The following PACRG variants were observed in gnomAD, a reference collection of about 807,000 sequenced individuals.
The protein encoded by PACRG is parkin coregulated.
A neutral mutation model predicts 29.7 loss-of-function variants in PACRG; 29 were observed. The ratio of observed to expected loss-of-function variants is 0.98; its 90% CI spans 0.73 to 1.33. The LOEUF (loss-of-function observed/expected upper bound fraction) is 1.33, where lower values mean the gene tolerates loss of function less well. Among genes scored for constraint, PACRG ranks in the 40% most tolerant of loss-of-function variants. The pLI, the probability that PACRG is intolerant of heterozygous loss-of-function variation, is 0.00. For missense variants in PACRG, 279 were observed against 316.2 expected (o/e 0.88, Z 0.89); for synonymous variants, 116 against 118.7 (o/e 0.98, Z 0.15).
intron 2 of PACRG, among the ~76,000 whole-genome samples, chr6:162,957,710 T>G (rs1800167499): frequency 6.6e-6 from 1 of 152,164 alleles, no homozygotes; most frequent in African/African-American, 2.4e-5. Flanking sequence ...AAAAGGATCA[T>G]TTGGAATGGT....
chr6:163,222,107 A>C (rs377569932), intron 4 of PACRG, among the ~76,000 whole-genome samples: 1 of 103,324 alleles, frequency 9.7e-6, no homozygotes, highest in Non-Finnish European at 1.9e-5. Flanking sequence ...AAAACTGTAA[A>C]GTATTTTGTA....
chr6:162,762,199 T>C (rs564538448), intron 1 of PACRG, among the ~76,000 whole-genome samples: 2 of 152,222 alleles, frequency 1.3e-5, no homozygotes, highest in African/African-American at 4.8e-5. Flanking sequence ...AAGGAGAACT[T>C]AATCCTGATG....
chr6:163,243,379 C>A (rs1162170378), intron 4 of PACRG, among the ~76,000 whole-genome samples: 1 of 152,232 alleles, frequency 6.6e-6, no homozygotes, highest in Non-Finnish European at 1.5e-5. Flanking sequence ...TGTTCACGTA[C>A]ACTCTGTGTT....
At chr6:163,270,943 G>T (rs1000932123) in intron 4 of PACRG, among the ~76,000 whole-genome samples, 5 of 152,036 alleles carry the variant, frequency 3.3e-5, no homozygotes, top group Non-Finnish European at 7.4e-5. Flanking sequence ...ATGAAGGGGA[G>T]TTTATTAAGG....
intron 2 of PACRG, among the ~76,000 whole-genome samples, chr6:163,047,506 A>G (rs1809517423): frequency 6.6e-6 from 1 of 152,214 alleles, no homozygotes. Context: ...TGAAAGTATC[A>G]TTCTTTGACT....
intron 1 of PACRG, among the ~76,000 whole-genome samples, chr6:162,792,273 A>G (rs943919527): frequency 6.6e-6 from 1 of 152,124 alleles, no homozygotes; most frequent in Non-Finnish European, 1.5e-5. Context: ...CCGACTGACC[A>G]TGACTTTAAA....
chr6:162,875,426 C>T (rs534149534), intron 2 of PACRG, among the ~76,000 whole-genome samples: 1 of 152,182 alleles, frequency 6.6e-6, no homozygotes, highest in Admixed American at 6.5e-5. Flanking sequence ...CACAGTCATG[C>T]ACACACATTC....
intron 3 of PACRG, among the ~76,000 whole-genome samples, chr6:163,070,639 G>C (rs1811953459): frequency 6.6e-6 from 1 of 151,660 alleles, no homozygotes; most frequent in South Asian, 2.1e-4. Context: ...AAGGAAAGAA[G>C]GAATAGAAGA....
chr6:163,095,497 A>G, intron 4 of PACRG: 1 of 894,668 alleles, frequency 1.1e-6, no homozygotes, highest in Non-Finnish European at 1.3e-6. Context: ...AACAACAGAA[A>G]TGTATCGTCT....
intron 2 of PACRG, among the ~76,000 whole-genome samples, chr6:162,935,061 G>A (rs1798134380): frequency 6.6e-6 from 1 of 152,174 alleles, no homozygotes; most frequent in African/African-American, 2.4e-5. Context: ...CTATTAGTCT[G>A]ATGGGGATTC....
At chr6:162,803,901 ACAT>A (rs1786090075) in intron 1 of PACRG, among the ~76,000 whole-genome samples, 1 of 152,172 alleles carries the variant, frequency 6.6e-6, no homozygotes, top group African/African-American at 2.4e-5. Flanking sequence ...ATAATATAAA[ACAT>A]CATATGCCTG....
At chr6:163,284,320 C>T (rs2128184773) in intron 4 of PACRG, among the ~76,000 whole-genome samples, 1 of 152,308 alleles carries the variant, frequency 6.6e-6, no homozygotes, top group East Asian at 1.9e-4. Context: ...GTTCTGACCT[C>T]AGTCCCAGAC....
At chr6:162,893,319 G>A (rs1335580314) in intron 2 of PACRG, among the ~76,000 whole-genome samples, 2 of 152,092 alleles carry the variant, frequency 1.3e-5, no homozygotes, top group African/African-American at 4.8e-5. Flanking sequence ...GGCTCGACTG[G>A]CAGTGTGGAC....
intron 2 of PACRG, among the ~76,000 whole-genome samples, chr6:163,014,514 ATG>A (rs1172838256): frequency 8.1e-5 from 1 of 12,418 alleles, no homozygotes; most frequent in African/African-American, 3.7e-4. Context: ...TCTTGCCAAC[ATG>A]TATTTTTTTT....
chr6:162,912,953 A>G (rs1263486875), intron 2 of PACRG, among the ~76,000 whole-genome samples: 2 of 152,166 alleles, frequency 1.3e-5, no homozygotes, highest in Admixed American at 1.3e-4. Flanking sequence ...TGGATTGGAA[A>G]GCTACCATTG....
At chr6:162,888,019 G>A (rs917240312) in intron 2 of PACRG, among the ~76,000 whole-genome samples, 24 of 152,144 alleles carry the variant, frequency 1.6e-4, no homozygotes, top group South Asian at 2.1e-4. Context: ...GCTACTCTCC[G>A]CTTCCAAAGA....
chr6:163,292,702 G>A (rs1312764353), intron 4 of PACRG, among the ~76,000 whole-genome samples: 1 of 152,120 alleles, frequency 6.6e-6, no homozygotes, highest in Non-Finnish European at 1.5e-5. Context: ...GGGATTACAG[G>A]TGTGAGCCAC....
At chr6:163,289,592 T>G (rs1320880345) in intron 4 of PACRG, among the ~76,000 whole-genome samples, 1 of 152,228 alleles carries the variant, frequency 6.6e-6, no homozygotes, top group Admixed American at 6.5e-5. Context: ...TATTAATAGC[T>G]GCAGTCTAAA....
At chr6:162,992,507 G>T (rs1803533940) in intron 2 of PACRG, among the ~76,000 whole-genome samples, 1 of 147,176 alleles carries the variant, frequency 6.8e-6, no homozygotes, top group Non-Finnish European at 1.5e-5. Context: ...ATTTCTTCTA[G>T]ATTTTCTAGT....
Sources: gnomAD v4.1 joint callset for allele counts (sites outside exome capture counted in the v4.1 genomes callset) on GRCh38, gnomAD v4.1.1 for gene constraint, MANE v1.5 for transcripts, NCBI Gene and HGNC (gene_info 2026-07-23, HGNC 2026-07-21) for gene names.